The following CDKL5 variants were observed in gnomAD, a reference collection of about 807,000 sequenced individuals.
CDKL5 encodes cyclin-dependent kinase-like 5.
A neutral mutation model predicts 61.7 loss-of-function variants in CDKL5; 8 were observed. The observed-to-expected ratio is 0.13, with a 90% CI of 0.08 to 0.23. The LOEUF (loss-of-function observed/expected upper bound fraction) is 0.23, where lower values mean the gene tolerates loss of function less well. Ranked by LOEUF, CDKL5 falls within the 10% of genes least tolerant of loss-of-function variation. The pLI is 1.00. For missense variants in CDKL5, 440 were observed against 734.5 expected (o/e 0.60, Z 4.63); for synonymous variants, 275 against 272.3 (o/e 1.01, Z -0.10).
At chrX:18,509,197 G>GCACACACACACA (rs60516677) in intron 2 of CDKL5, among the ~76,000 whole-genome samples, 1,008 of 64,263 alleles carry the variant, frequency 0.016, 23 homozygotes, top group East Asian at 0.019. Flanking sequence ...CTCAAAACAC[G>GCACACACACACA]CACACACACA....
At chrX:18,426,830 G>C (rs763749946) in intron 1 of CDKL5, 1 of 112,441 alleles carries the variant, frequency 8.9e-6, no homozygotes, top group South Asian at 3.7e-4. Context: ...ATCGTTTTAG[G>C]TAACATCTGC....
At chrX:18,536,974 A>C (rs1923862191) in intron 3 of CDKL5, among the ~76,000 whole-genome samples, 1 of 108,529 alleles carries the variant, frequency 9.2e-6, no homozygotes, top group African/African-American at 3.5e-5. Context: ...TTACTTTCAA[A>C]TGTGCCAAAA....
chrX:18,555,782 C>A (rs1924581059), intron 3 of CDKL5, among the ~76,000 whole-genome samples: 2 of 112,128 alleles, frequency 1.8e-5, no homozygotes, highest in Admixed American at 9.4e-5. Flanking sequence ...ATGTCAAACA[C>A]AGGATACAAA....
chrX:18,588,433 T>A, intron 9 of CDKL5: 1 of 224,267 alleles, frequency 4.5e-6, no homozygotes, highest in South Asian at 9.4e-5. Flanking sequence ...TATCTTATAT[T>A]GTTTCTTTAT....
At chrX:18,552,187 G>A (rs1458609664) in intron 3 of CDKL5, among the ~76,000 whole-genome samples, 1 of 104,700 alleles carries the variant, frequency 9.6e-6, no homozygotes, top group Non-Finnish European at 1.9e-5. Context: ...GCAGTGAGCC[G>A]AGATTGTGCC....
chrX:18,602,551 C>G (rs1926212043), intron 11 of CDKL5, among the ~76,000 whole-genome samples: 1 of 111,467 alleles, frequency 9.0e-6, no homozygotes, highest in Admixed American at 9.5e-5. Context: ...AATGACCTAA[C>G]TGGAAGAGAT....
chrX:18,474,433 C>T (rs1338422917), intron 1 of CDKL5, among the ~76,000 whole-genome samples: 1 of 111,488 alleles, frequency 9.0e-6, no homozygotes, highest in Non-Finnish European at 1.9e-5. Context: ...TCTACCTCCT[C>T]GGAACCATTT....
chrX:18,530,567 C>T (rs1412460402), intron 3 of CDKL5, among the ~76,000 whole-genome samples: 1 of 111,179 alleles, frequency 9.0e-6, no homozygotes, highest in South Asian at 3.8e-4. Flanking sequence ...TCTGTTCTTG[C>T]GTGCTGTCTA....
intron 4 of CDKL5, among the ~76,000 whole-genome samples, chrX:18,572,568 A>AT (rs765784942): frequency 1.2e-3 from 139 of 112,132 alleles, no homozygotes; most frequent in African/African-American, 4.2e-3. Context: ...ACAGAGGTGA[A>AT]TAGGGAGAAG....
chrX:18,544,735 C>T (rs1189370147), intron 3 of CDKL5, among the ~76,000 whole-genome samples: 3 of 112,412 alleles, frequency 2.7e-5, no homozygotes, highest in Non-Finnish European at 5.6e-5. Context: ...AAAAGTGTCA[C>T]ACAATTAAAT....
rs964901478 is a variant in CDKL5, at chrX:18,556,290, G to T, written c.100-8187G>T. 4.7e-4 allele frequency among the ~76,000 whole-genome samples: 52 copies of T among 111,393 alleles called. 1 individual carries two copies. The highest frequency in any genetic ancestry group is 5.7e-5 in the Non-Finnish European group (3 of 53,028). On this transcript the variant is annotated intron_variant, in intron 3 of 17. Coordinates refer to ENST00000623535, the MANE Select transcript of CDKL5 (RefSeq NM_001323289.2). ...AGAAAACTATTTTGAAATGTTCATT[G>T]GTGCTAACATTTCTCTTCAGTGATG...
chrX:18,614,724 A>C (rs893814196), intron 15 of CDKL5, among the ~76,000 whole-genome samples: 1 of 112,564 alleles, frequency 8.9e-6, no homozygotes, highest in Non-Finnish European at 1.9e-5. Context: ...AAGATCTGCG[A>C]ATTAACGTGA....
chrX:18,485,088 A>T (rs1569193208), intron 1 of CDKL5, among the ~76,000 whole-genome samples: 1 of 107,478 alleles, frequency 9.3e-6, no homozygotes, highest in African/African-American at 3.4e-5. Context: ...TCAAGGCAGA[A>T]TTTTTTTTTC....
Position 18,632,944 on chromosome X carries a change from A to C in CDKL5, c.*4187A>C, listed in dbSNP as rs1222331730. 1.3e-6 allele frequency: 1 copy of C among 752,623 alleles called. No individual in the cohort carries two copies. Among genetic ancestry groups the C allele is most frequent in the East Asian group, 1.5e-4 (1 of 6,624 alleles). 62.0% of individuals were successfully genotyped at this position (752,623 alleles called of 1,213,427 possible). ...ATGACTCATAGTACAACTTTTTTTC[A>C]AAGGCCAGAGGATTACTTTGCAAGT... On this transcript the variant is annotated 3_prime_UTR_variant, in exon 18 of 18. Coordinates refer to ENST00000623535, the MANE Select transcript of CDKL5 (RefSeq NM_001323289.2).
chrX:18,586,879 A>G (rs1254017936), intron 8 of CDKL5, among the ~76,000 whole-genome samples: 1 of 111,690 alleles, frequency 9.0e-6, no homozygotes, highest in African/African-American at 3.3e-5. Flanking sequence ...CTGCCCAACA[A>G]ACTTACCAAA....
downstream of CDKL5, chrX:18,642,181 C>T (rs1385403920): frequency 1.7e-6 from 2 of 1,200,809 alleles, no homozygotes; most frequent in Non-Finnish European, 2.3e-6. Flanking sequence ...GAAATCCTGT[C>T]ACCATCACAT....
intron 1 of CDKL5, among the ~76,000 whole-genome samples, chrX:18,444,471 T>A (rs1282892295): frequency 9.0e-6 from 1 of 111,528 alleles, no homozygotes; most frequent in African/African-American, 3.3e-5. Context: ...AATATATATG[T>A]GTGTACAAAC....
At chrX:18,570,488 A>G (rs1439940372) in intron 4 of CDKL5, among the ~76,000 whole-genome samples, 5 of 111,577 alleles carry the variant, frequency 4.5e-5, no homozygotes, top group African/African-American at 1.3e-4. Context: ...TTGTCTGTCT[A>G]TTGATGTCCC....
At position 18,632,984 on chromosome X, in the gene CDKL5, GTC is replaced by G. The variant is rs1927276817; in HGVS notation, c.*4229_*4230del. The stretch of plus-strand genomic sequence containing the variant: ...ACTTTGCAAGTGTGTAGAAAGATCT[GTC>G]TATTTCTGTTCACCTGGGACCTGGT... On this transcript the variant is annotated 3_prime_UTR_variant, in exon 18 of 18. Coordinates refer to ENST00000623535, the MANE Select transcript of CDKL5 (RefSeq NM_001323289.2). 2.7e-6 allele frequency: 2 copies of G among 752,892 alleles called. No homozygotes were observed. Among genetic ancestry groups the G allele is most frequent in the East Asian group, 3.0e-4 (2 of 6,602 alleles). 62.0% of individuals were successfully genotyped at this position (752,892 alleles called of 1,213,427 possible).
Sources: allele counts gnomAD v4.1 joint callset (sites outside exome capture counted in the v4.1 genomes callset), GRCh38; gene constraint gnomAD v4.1.1; transcripts MANE v1.5; gene names NCBI Gene and HGNC (gene_info 2026-07-23, HGNC 2026-07-21).